Variants in FBLN1 observed in about 807,000 individuals in gnomAD.
FBLN1 encodes the protein fibulin-1.
Under a neutral mutation model 89.7 loss-of-function variants are expected in FBLN1, and 34 were observed. The ratio of observed to expected loss-of-function variants is 0.38; its 90% CI spans 0.29 to 0.50. The LOEUF (loss-of-function observed/expected upper bound fraction) is 0.50, where lower values mean the gene tolerates loss of function less well. Ranked by LOEUF, FBLN1 falls within the 20% of genes least tolerant of loss-of-function variation. FBLN1 has a pLI of 0.92. For synonymous variants in FBLN1, 393 were observed against 391.3 expected (o/e 1.00, Z -0.05); for missense variants, 777 against 988.1 (o/e 0.79, Z 2.86).
Position 45,580,784 on chromosome 22 carries a change from T to C in FBLN1, c.1972+3676T>C, listed in dbSNP as rs1010078228. ...CTCGCCGTGTTCAGTCCTCCCAGAGTAACAGAAGAAGAGGGAGAAATGCCC... is the reference window on the plus strand; with the variant it reads ...CTCGCCGTGTTCAGTCCTCCCAGAGCAACAGAAGAAGAGGGAGAAATGCCC... On this transcript the variant is annotated intron_variant, in intron 16 of 16. Transcript: ENST00000327858. This position sits in a 1 kb window ranked among gnomAD's most constrained non-coding sequence, Gnocchi z 8.6. 1.3e-5 allele frequency among the ~76,000 whole-genome samples: 2 copies of C among 151,734 alleles called. No individual in the cohort carries two copies. Among genetic ancestry groups the C allele is most frequent in the African/African-American group, 2.4e-5 (1 of 41,280 alleles).
intron 14 of FBLN1, among the ~76,000 whole-genome samples, chr22:45,551,607 G>T (rs902481367): frequency 2.0e-5 from 3 of 152,216 alleles, no homozygotes; most frequent in Admixed American, 1.3e-4. Context: ...TCCCAGCACG[G>T]ATTTCTGTCT....
At chr22:45,554,406 G>A (rs569964037) in intron 14 of FBLN1, among the ~76,000 whole-genome samples, 5 of 152,328 alleles carry the variant, frequency 3.3e-5, no homozygotes, top group African/African-American at 9.6e-5. Flanking sequence ...AGCAGCACCC[G>A]TGCCCACCTT....
At chr22:45,554,271 C>T (rs555596710) in intron 14 of FBLN1, among the ~76,000 whole-genome samples, 4 of 152,232 alleles carry the variant, frequency 2.6e-5, no homozygotes, top group Non-Finnish European at 4.4e-5. Flanking sequence ...GTCCCATGCT[C>T]CTCCCCCAGT....
Position 45,576,418 on chromosome 22 carries a change from C to T in FBLN1, c.1841-559C>T, listed in dbSNP as rs2088997638. 6.6e-6 allele frequency among the ~76,000 whole-genome samples: 1 copy of T among 152,124 alleles called. No individual in the cohort carries two copies. The highest frequency in any genetic ancestry group is 2.4e-5 in the African/African-American group (1 of 41,422). On this transcript the variant is annotated intron_variant, in intron 15 of 16. Transcript: ENST00000327858. This position sits in a 1 kb window ranked among gnomAD's most constrained non-coding sequence, Gnocchi z 5.2. ...TTAGTGGGTCTCCGCCGGCTTCCTT[C>T]CTCACCTTACAGGTGAGGAAACTGA...
At chr22:45,533,639 G>A (rs368219977) in intron 6 of FBLN1, 122 bp from the exon 7 acceptor site, 25 of 1,118,514 alleles carry the variant, frequency 2.2e-5, no homozygotes, top group Admixed American at 1.4e-4. Context: ...TGGTGGACCT[G>A]AGCTCAGTTT....
At chr22:45,593,585 A>G (rs1037517640) in intron 16 of FBLN1, among the ~76,000 whole-genome samples, 1 of 152,192 alleles carries the variant, frequency 6.6e-6, no homozygotes. Flanking sequence ...GGGGCTTCGG[A>G]AAGGTAGGAG....
chr22:45,582,934 C>T (rs1407758634), intron 16 of FBLN1, among the ~76,000 whole-genome samples: 1 of 152,168 alleles, frequency 6.6e-6, no homozygotes, highest in African/African-American at 2.4e-5. Context: ...GTCCCCAGCC[C>T]AAGGCTGCCC....
intron 1 of FBLN1, chr22:45,517,208 C>G (rs191986800): frequency 4.0e-6 from 1 of 250,086 alleles, no homozygotes; most frequent in Non-Finnish European, 7.9e-6. Context: ...GGGATTTACC[C>G]TCTAGGGGCT....
chr22:45,545,180 G>A lies in FBLN1; in HGVS notation c.1321+1654G>A, dbSNP rs988964138. 6.6e-6 allele frequency among the ~76,000 whole-genome samples: 1 copy of A among 152,208 alleles called. No individual in the cohort carries two copies. Among genetic ancestry groups the A allele is most frequent in the African/African-American group, 2.4e-5 (1 of 41,450 alleles). Reference sequence around the variant, plus strand: ...GGTCCTGGGCTTAGTTCACAAGAACGTGTATGGACAAGGAACAAGATTCAC... The same window carrying A: ...GGTCCTGGGCTTAGTTCACAAGAACATGTATGGACAAGGAACAAGATTCAC... On this transcript the variant is annotated intron_variant, in intron 11 of 16. Transcript: ENST00000327858. This position sits in a 1 kb window ranked among gnomAD's most constrained non-coding sequence, Gnocchi z 5.9.
intron 16 of FBLN1, among the ~76,000 whole-genome samples, chr22:45,593,123 C>G (rs1425835904): frequency 3.3e-5 from 5 of 152,060 alleles, no homozygotes; most frequent in African/African-American, 1.2e-4. Context: ...AAACCAGTGT[C>G]TAGAGTCAGA....
At chr22:45,514,265 T>A (rs758339675) in intron 1 of FBLN1, among the ~76,000 whole-genome samples, 1 of 152,184 alleles carries the variant, frequency 6.6e-6, no homozygotes, top group Non-Finnish European at 1.5e-5. Context: ...GAACCCAAGT[T>A]AATGACGCAC....
rs561499540 is a variant in FBLN1, at chr22:45,583,527, A to T, written c.1972+6419A>T. On this transcript the variant is annotated intron_variant, in intron 16 of 16. Coordinates refer to ENST00000327858, the MANE Select transcript of FBLN1 (RefSeq NM_006486.3). This position sits in a 1 kb window ranked among gnomAD's most constrained non-coding sequence, Gnocchi z 4.5. ...GCCTGGCACACAGTGGGTGCACAGGATGTAAATACTGATGGAAACCTAAAT... is the reference window on the plus strand; with the variant it reads ...GCCTGGCACACAGTGGGTGCACAGGTTGTAAATACTGATGGAAACCTAAAT... Among the ~76,000 whole-genome samples the T allele has an allele frequency of 1.2e-4, 18 of 152,364 alleles. No individual in the cohort carries two copies. Among genetic ancestry groups the T allele is most frequent in the African/African-American group, 3.6e-4 (15 of 41,584 alleles).
In FBLN1 at chr22:45,577,443, G is replaced by A. The variant is rs2089007405; in HGVS notation, c.1972+335G>A. ...TTTCAAATGATACCACCCAAGTAAA[G>A]TGCTTGTCCTGAGGGCTGGCACAGT... On this transcript the variant is annotated intron_variant, in intron 16 of 16. Transcript: ENST00000327858. The surrounding 1 kb of genome is among the most constrained non-coding windows in gnomAD (Gnocchi z 6.6). Among the ~76,000 whole-genome samples, 1 of 152,210 alleles carries A rather than the reference G, an allele frequency of 6.6e-6. No individual in the cohort carries two copies. The highest frequency in any genetic ancestry group is 2.4e-5 in the African/African-American group (1 of 41,454).
intron 16 of FBLN1, among the ~76,000 whole-genome samples, chr22:45,596,617 ATC>A (rs147264114): frequency 1.3e-3 from 197 of 148,580 alleles, no homozygotes; most frequent in African/African-American, 4.5e-3. Flanking sequence ...ATATACATAT[ATC>A]AACATAATAA....
chr22:45,514,905 C>T (rs1195603566), intron 1 of FBLN1, among the ~76,000 whole-genome samples: 4 of 152,176 alleles, frequency 2.6e-5, no homozygotes, highest in Admixed American at 2.6e-4. Context: ...GAGCAGTGGG[C>T]AGGAGGGCGT....
rs2088978811 is a variant in FBLN1, at chr22:45,574,642, C to A, written c.1829C>A (p.Thr610Asn). The change falls in exon 15 of 17, where the codon ACC (threonine) becomes AAC (asparagine). Residue 610 changes from threonine (T) to asparagine (N), a missense_variant. Physicochemically the swap from Thr to Asn is moderately conservative, Grantham distance 65. Coordinates refer to ENST00000327858, the MANE Select transcript of FBLN1 (RefSeq NM_006486.3). This position sits in a 1 kb window ranked among gnomAD's most constrained non-coding sequence, Gnocchi z 4.1. ...TCGCTGCCTACCTTCCGCGAGTTCA[C>A]CCGCCCTGAAGGTGAGTGGGATGGG... The part of the protein sequence containing the change: ...VISLPTFREF[T>N]RPEEIIFLRA... 3.1e-6 allele frequency: 5 copies of A among 1,613,834 alleles called. No homozygotes were observed. The East Asian group carries it at 1.1e-4, about 36-fold the overall frequency.
chr22:45,544,181 G>C (rs1476148588), intron 11 of FBLN1, among the ~76,000 whole-genome samples: 1 of 152,076 alleles, frequency 6.6e-6, no homozygotes, highest in Non-Finnish European at 1.5e-5. Flanking sequence ...CCGCCTCCCG[G>C]GTTCAAGCGA....
chr22:45,573,491 T>C (rs1287189835), intron 14 of FBLN1, among the ~76,000 whole-genome samples: 1 of 150,894 alleles, frequency 6.6e-6, no homozygotes, highest in Non-Finnish European at 1.5e-5. Context: ...CTGACCAACA[T>C]GGTAAAACCC....
chr22:45,531,340 C>G lies in FBLN1; in HGVS notation c.544+16C>G, dbSNP rs6006768. 181,763 of 1,610,602 alleles carry G rather than the reference C, an allele frequency of 0.11. 12,267 individuals are homozygous for G. The highest frequency in any genetic ancestry group is 0.29 in the African/African-American group (21,432 of 74,822). On this transcript the variant is annotated intron_variant, in intron 5 of 16. Coordinates refer to ENST00000327858, the MANE Select transcript of FBLN1 (RefSeq NM_006486.3). This position sits in a 1 kb window ranked among gnomAD's most constrained non-coding sequence, Gnocchi z 4.9. ...CGCTGCCGAGGTGAGACTCGGGCGT[C>G]TCCCATCAGTTGGTATTTAAACAAA...
Sources: allele counts gnomAD v4.1 joint callset (sites outside exome capture counted in the v4.1 genomes callset), GRCh38; gene constraint gnomAD v4.1.1; non-coding constraint Gnocchi (gnomAD v3.1); transcripts MANE v1.5; gene names NCBI Gene and HGNC (gene_info 2026-07-23, HGNC 2026-07-21).